Variants in EEPD1 observed in about 807,000 individuals in gnomAD.
The protein encoded by EEPD1 is endonuclease/exonuclease/phosphatase family domain containing 1.
In EEPD1, 17 loss-of-function variants were observed where a neutral mutation model predicts 46.3. The observed-to-expected ratio is 0.37, with a 90% confidence interval of 0.25 to 0.55. The LOEUF (loss-of-function observed/expected upper bound fraction) is 0.55, where lower values mean the gene tolerates loss of function less well. EEPD1 is among the 20% of genes least tolerant of loss of function. EEPD1 has a pLI of 0.83. For missense variants in EEPD1, 673 were observed against 745.6 expected (o/e 0.90, Z 1.13); for synonymous variants, 313 against 315.6 (o/e 0.99, Z 0.09).
chr7:36,230,437 G>A (rs1344380197), intron 2 of EEPD1, among the ~76,000 whole-genome samples: 1 of 152,132 alleles, frequency 6.6e-6, no homozygotes, highest in Non-Finnish European at 1.5e-5. Flanking sequence ...TGTTTCTGCA[G>A]AATAATCCTT....
intron 3 of EEPD1, among the ~76,000 whole-genome samples, chr7:36,274,241 G>T (rs1384320040): frequency 1.3e-5 from 2 of 152,306 alleles, no homozygotes; most frequent in Non-Finnish European, 2.9e-5. Context: ...CCTTGCTGTT[G>T]CTTTATGACC....
At chr7:36,244,014 T>C (rs912240978) in intron 3 of EEPD1, among the ~76,000 whole-genome samples, 1 of 151,994 alleles carries the variant, frequency 6.6e-6, no homozygotes, top group African/African-American at 2.4e-5. Flanking sequence ...AACCTGCACA[T>C]TGTGCACATG....
At chr7:36,196,837 G>C (rs906761674) in intron 2 of EEPD1, among the ~76,000 whole-genome samples, 1 of 151,854 alleles carries the variant, frequency 6.6e-6, no homozygotes, top group South Asian at 2.1e-4. Context: ...CCGCCACCCC[G>C]TCTGGGAAGT....
chr7:36,297,149 A>G lies in EEPD1; in HGVS notation c.1472A>G (p.Asn491Ser). The G allele has an allele frequency of 6.2e-7, 1 of 1,614,198 alleles. No individual in the cohort carries two copies. Among genetic ancestry groups the G allele is most frequent in the Non-Finnish European group, 8.5e-7 (1 of 1,180,032 alleles). ...KNPQGSKSLDNIWISKSLKKV... is the reference protein window; with the variant it reads ...KNPQGSKSLDSIWISKSLKKV... ...CCTCAAGGCTCGAAGTCTCTGGACA[A>G]CATCTGGATCAGTAAAAGCTTAAAG... is the stretch of plus-strand genomic sequence containing the variant. Residue 491 changes from asparagine (N) to serine (S), a missense_variant, in exon 7 of 8, where the codon AAC becomes AGC. Asn to Ser is a conservative substitution (Grantham distance 46, BLOSUM62 1). Coordinates refer to ENST00000242108, the MANE Select transcript of EEPD1 (RefSeq NM_030636.3).
At chr7:36,245,761 G>A (rs1786630747) in intron 3 of EEPD1, among the ~76,000 whole-genome samples, 1 of 152,200 alleles carries the variant, frequency 6.6e-6, no homozygotes, top group South Asian at 2.1e-4. Flanking sequence ...TGTGACATTG[G>A]TCTGAAAAAG....
chr7:36,208,170 C>T (rs1329059156), intron 2 of EEPD1, among the ~76,000 whole-genome samples: 1 of 152,136 alleles, frequency 6.6e-6, no homozygotes, highest in African/African-American at 2.4e-5. Flanking sequence ...CCCTGGGCTG[C>T]GGTGGCAGGG....
At chr7:36,207,461 C>G (rs142708137) in intron 2 of EEPD1, among the ~76,000 whole-genome samples, 1 of 152,162 alleles carries the variant, frequency 6.6e-6, no homozygotes, top group African/African-American at 2.4e-5. Context: ...AGACCCCAGA[C>G]AGGTTAGGCC....
intron 2 of EEPD1, among the ~76,000 whole-genome samples, chr7:36,164,383 A>G (rs1038839462): frequency 1.3e-5 from 2 of 152,232 alleles, no homozygotes; most frequent in Non-Finnish European, 2.9e-5. Context: ...CTCTCTGGTA[A>G]GCACATGATG....
rs1786709728 is a variant in EEPD1, at chr7:36,250,068, A to G, written c.930+11032A>G. 3.9e-5 allele frequency among the ~76,000 whole-genome samples: 6 copies of G among 152,216 alleles called. No individual in the cohort carries two copies. In the South Asian group the frequency reaches 1.2e-3, roughly 32 times the overall value. ...ACCCTGTCTCTACAAAAAAGTTTTTAAAAGTTAGCTGAGCATGGTAGCATA... is the reference window on the plus strand; with the variant it reads ...ACCCTGTCTCTACAAAAAAGTTTTTGAAAGTTAGCTGAGCATGGTAGCATA... On this transcript the variant is annotated intron_variant, in intron 3 of 7. Coordinates refer to ENST00000242108, the MANE Select transcript of EEPD1 (RefSeq NM_030636.3).
chr7:36,286,144 A>G (rs1055480301), intron 5 of EEPD1, among the ~76,000 whole-genome samples: 21 of 152,322 alleles, frequency 1.4e-4, no homozygotes, highest in Admixed American at 1.2e-3. Flanking sequence ...ACCACAACGC[A>G]GGCTGTTTTT....
intron 2 of EEPD1, among the ~76,000 whole-genome samples, chr7:36,160,185 T>G (rs895916205): frequency 3.9e-5 from 6 of 152,208 alleles, no homozygotes; most frequent in African/African-American, 1.4e-4. Context: ...CAGATCTGTT[T>G]GGAGCTCTCA....
chr7:36,180,383 G>GC, intron 2 of EEPD1, among the ~76,000 whole-genome samples: 1 of 152,222 alleles, frequency 6.6e-6, no homozygotes, highest in African/African-American at 2.4e-5. Flanking sequence ...TTCATGCCCT[G>GC]CCCACACTTT....
chr7:36,163,863 G>T (rs1306068234), intron 2 of EEPD1, among the ~76,000 whole-genome samples: 2 of 142,152 alleles, frequency 1.4e-5, no homozygotes, highest in African/African-American at 5.3e-5. Context: ...GGGGGACAGA[G>T]CAAGACTCCA....
chr7:36,201,951 C>T (rs778219215), intron 2 of EEPD1, among the ~76,000 whole-genome samples: 6 of 152,216 alleles, frequency 3.9e-5, no homozygotes, highest in Non-Finnish European at 8.8e-5. Context: ...GCCTGCAGTT[C>T]GCAGTGTGGT....
At chr7:36,191,394 G>C (rs1346116906) in intron 2 of EEPD1, among the ~76,000 whole-genome samples, 1 of 152,202 alleles carries the variant, frequency 6.6e-6, no homozygotes, top group Non-Finnish European at 1.5e-5. Context: ...GGAGAGGTGG[G>C]AAGAGGGAGG....
chr7:36,222,022 G>C (rs544183812), intron 2 of EEPD1, among the ~76,000 whole-genome samples: 51 of 152,190 alleles, frequency 3.4e-4, no homozygotes, highest in Admixed American at 1.5e-3. Flanking sequence ...TTATATAGTG[G>C]CATTTATTTT....
At chr7:36,232,227 T>C (rs1786345363) in intron 2 of EEPD1, among the ~76,000 whole-genome samples, 2 of 151,412 alleles carry the variant, frequency 1.3e-5, no homozygotes, top group South Asian at 4.2e-4. Flanking sequence ...TGTTTTGAGA[T>C]GGAGTCTCAC....
intron 2 of EEPD1, among the ~76,000 whole-genome samples, chr7:36,200,956 C>CT (rs1196863297): frequency 6.6e-6 from 1 of 152,190 alleles, no homozygotes; most frequent in African/African-American, 2.4e-5. Flanking sequence ...ACCACCTAAA[C>CT]CAGATGACCT....
Position 36,261,128 on chromosome 7 carries a change from G to A in EEPD1, c.931-19987G>A, listed in dbSNP as rs893837777. On this transcript the variant is annotated intron_variant, in intron 3 of 7. Coordinates refer to ENST00000242108, the MANE Select transcript of EEPD1 (RefSeq NM_030636.3). ...TGTATGTGTGGATGTGTGCATGGAC[G>A]AATGGGTGGGTGGATGGACAAATGG... Among the ~76,000 whole-genome samples, 13 of 152,144 alleles carry A rather than the reference G, an allele frequency of 8.5e-5. 1 individual carries two copies. The highest frequency in any genetic ancestry group is 2.9e-4 in the African/African-American group (12 of 41,426).
Sources: allele counts gnomAD v4.1 joint callset (sites outside exome capture counted in the v4.1 genomes callset), GRCh38; gene constraint gnomAD v4.1.1; transcripts MANE v1.5; gene names NCBI Gene and HGNC (gene_info 2026-07-23, HGNC 2026-07-21).